The following CDH12 variants were observed in gnomAD, a reference collection of about 807,000 sequenced individuals.
CDH12 encodes the protein cadherin-12.
CDH12 carries 41 observed loss-of-function variants against 74.1 expected under a neutral mutation model. The ratio of observed to expected loss-of-function variants is 0.55; its 90% CI spans 0.43 to 0.72. The LOEUF (loss-of-function observed/expected upper bound fraction) is 0.72. Ranked by LOEUF, CDH12 falls within the 30% of genes least tolerant of loss-of-function variation. The pLI is 0.00. For synonymous variants in CDH12, 399 were observed against 355.0 expected (o/e 1.12, Z -1.39); for missense variants, 945 against 977.2 (o/e 0.97, Z 0.44).
intron 1 of CDH12, among the ~76,000 whole-genome samples, chr5:22,552,848 G>A (rs1738637239): frequency 6.6e-6 from 1 of 152,092 alleles, no homozygotes; most frequent in African/African-American, 2.4e-5. Context: ...ACATGAGGAT[G>A]GGTATTATTT....
At chr5:22,361,090 C>T (rs574483246) in intron 3 of CDH12, among the ~76,000 whole-genome samples, 2 of 152,162 alleles carry the variant, frequency 1.3e-5, no homozygotes, top group African/African-American at 4.8e-5. Flanking sequence ...GGCAATCAGG[C>T]AGGAGAAAGA....
chr5:22,830,550 T>A (rs186418252), intron 1 of CDH12, among the ~76,000 whole-genome samples: 2 of 151,924 alleles, frequency 1.3e-5, no homozygotes, highest in East Asian at 3.9e-4. Flanking sequence ...AAGTTCTCCC[T>A]TATTTTCAAA....
chr5:21,929,563 G>C lies in CDH12; in HGVS notation c.526+45528C>G, dbSNP rs549398278. Reference sequence around the variant, plus strand: ...ACCAGGGTCTTGCTCTGTCACCCTGGTTGGAATCAGTGGTATGATCTCCGC... The same window carrying C: ...ACCAGGGTCTTGCTCTGTCACCCTGCTTGGAATCAGTGGTATGATCTCCGC... On this transcript the variant is annotated intron_variant, in intron 6 of 14. Transcript: ENST00000382254. Among the ~76,000 whole-genome samples, 4 of 152,180 alleles carry C rather than the reference G, an allele frequency of 2.6e-5. No individual in the cohort carries two copies. The East Asian group carries it at 7.8e-4, about 30-fold the overall frequency.
chr5:21,797,427 A>G (rs1746848793), intron 10 of CDH12, among the ~76,000 whole-genome samples: 1 of 152,132 alleles, frequency 6.6e-6, no homozygotes, highest in Non-Finnish European at 1.5e-5. Flanking sequence ...AGGAAAGATG[A>G]TGCCTCATAC....
At chr5:22,580,536 G>T in intron 1 of CDH12, 1 of 469,966 alleles carries the variant, frequency 2.1e-6, no homozygotes. Flanking sequence ...CTGGATGGTG[G>T]CTCAGAGATG....
intron 3 of CDH12, among the ~76,000 whole-genome samples, chr5:22,233,607 A>G (rs10473582): frequency 0.026 from 4,024 of 152,278 alleles, 78 homozygotes; most frequent in South Asian, 0.095. Flanking sequence ...CAAACACCAA[A>G]TGTCATTTCT....
At chr5:22,633,613 A>G (rs1239172289) in intron 1 of CDH12, among the ~76,000 whole-genome samples, 1 of 152,146 alleles carries the variant, frequency 6.6e-6, no homozygotes, top group African/African-American at 2.4e-5. Context: ...AATAGAATGA[A>G]AAGGTGGAGG....
chr5:22,366,078 C>A (rs1225361652), intron 3 of CDH12, among the ~76,000 whole-genome samples: 2 of 152,028 alleles, frequency 1.3e-5, no homozygotes, highest in African/African-American at 2.4e-5. Context: ...CCTGCCTCAG[C>A]CTCCTGAGTA....
intron 2 of CDH12, among the ~76,000 whole-genome samples, chr5:22,492,313 A>T (rs1746907518): frequency 6.6e-6 from 1 of 151,600 alleles, no homozygotes; most frequent in South Asian, 2.1e-4. Flanking sequence ...TTCTAGACAA[A>T]TACCACACTC....
chr5:22,128,336 C>A (rs1264733055), intron 4 of CDH12, among the ~76,000 whole-genome samples: 1 of 151,884 alleles, frequency 6.6e-6, no homozygotes, highest in Non-Finnish European at 1.5e-5. Flanking sequence ...CTTAGACTGG[C>A]AAATTTACAT....
chr5:22,268,360 A>C (rs969281661), intron 3 of CDH12, among the ~76,000 whole-genome samples: 1 of 152,112 alleles, frequency 6.6e-6, no homozygotes, highest in Admixed American at 6.6e-5. Flanking sequence ...CCTGGGGAAT[A>C]GTGTAAAATA....
chr5:22,271,017 A>T (rs1736376197), intron 3 of CDH12, among the ~76,000 whole-genome samples: 1 of 152,148 alleles, frequency 6.6e-6, no homozygotes, highest in South Asian at 2.1e-4. Flanking sequence ...TATTCTTTAT[A>T]CTTGGAAAAA....
chr5:22,594,479 G>A (rs1359618880), intron 1 of CDH12, among the ~76,000 whole-genome samples: 2 of 152,076 alleles, frequency 1.3e-5, no homozygotes, highest in Non-Finnish European at 2.9e-5. Flanking sequence ...GCCCTACACC[G>A]ACCTCCCTAT....
chr5:22,404,173 A>G (rs1388728945), intron 3 of CDH12, among the ~76,000 whole-genome samples: 1 of 151,928 alleles, frequency 6.6e-6, no homozygotes, highest in Non-Finnish European at 1.5e-5. Flanking sequence ...AATAATATAT[A>G]TTTTATAAAT....
At chr5:22,697,752 G>A (rs1742455494) in intron 1 of CDH12, among the ~76,000 whole-genome samples, 3 of 152,080 alleles carry the variant, frequency 2.0e-5, no homozygotes, top group African/African-American at 7.2e-5. Context: ...GAATTTATCT[G>A]TAGATAGAGC....
intron 1 of CDH12, among the ~76,000 whole-genome samples, chr5:22,840,398 A>G (rs1324160650): frequency 2.6e-5 from 4 of 152,176 alleles, no homozygotes; most frequent in Non-Finnish European, 4.4e-5. Flanking sequence ...CTGGGATTAC[A>G]GGCATGAAAC....
chr5:22,365,477 T>C (rs1740991371), intron 3 of CDH12, among the ~76,000 whole-genome samples: 1 of 152,198 alleles, frequency 6.6e-6, no homozygotes, highest in Non-Finnish European at 1.5e-5. Context: ...CTATGTCATT[T>C]GAAAAGAGCT....
At position 21,760,576 on chromosome 5, in the gene CDH12, T is replaced by TA; in HGVS notation, c.1614dup (p.Thr539TyrfsTer4). 6.3e-7 allele frequency: 1 copy of TA among 1,590,782 alleles called. No individual in the cohort carries two copies. The highest frequency in any genetic ancestry group is 1.7e-4 in the Middle Eastern group (1 of 6,018). On this transcript the variant is annotated frameshift_variant, in exon 13 of 15. Coordinates refer to ENST00000382254, the MANE Select transcript of CDH12 (RefSeq NM_004061.5). LOFTEE classifies it high-confidence loss of function. ...CACTTACTTCTGAAGTCACGAACTG[T>TA]AAAATTTGGTTTGATAGCAGCCTCA...
intron 5 of CDH12, among the ~76,000 whole-genome samples, chr5:22,074,141 C>A (rs1742140558): frequency 6.6e-6 from 1 of 152,008 alleles, no homozygotes; most frequent in Admixed American, 6.6e-5. Flanking sequence ...CAGAACAGAG[C>A]CCTCAGAAAT....
Sources: allele counts gnomAD v4.1 joint callset (sites outside exome capture counted in the v4.1 genomes callset), GRCh38; gene constraint gnomAD v4.1.1; transcripts MANE v1.5; gene names NCBI Gene and HGNC (gene_info 2026-07-23, HGNC 2026-07-21).